TNFSF11: variants seen among roughly 807,000 people sequenced by gnomAD.
TNFSF11 encodes tumor necrosis factor ligand superfamily member 11.
TNFSF11 carries 12 observed loss-of-function variants against 32.2 expected under a neutral mutation model. The ratio of observed to expected loss-of-function variants is 0.37; its 90% CI spans 0.24 to 0.60. The LOEUF is 0.60. TNFSF11 is among the 20% of genes least tolerant of loss of function. The pLI, the probability that TNFSF11 is intolerant of heterozygous loss-of-function variation, is 0.66. For synonymous variants in TNFSF11, 172 were observed against 152.1 expected, an observed-to-expected ratio of 1.13 and a Z score of -0.96; for missense variants, 345 against 398.0, an observed-to-expected ratio of 0.87 and a Z score of 1.13.
rs1379305036 is a variant in TNFSF11 at position 42,581,237 on chromosome 13, T to C, written c.331T>C (p.Leu111=). 1 of 1,614,108 alleles carries C rather than the reference T, an allele frequency of 6.2e-7. No homozygotes were observed. The change falls in exon 2 of 5, where the codon TTA becomes CTA. Residue 111 remains leucine, a synonymous_variant. Coordinates refer to ENST00000398795, the MANE Select transcript of TNFSF11 (RefSeq NM_003701.4). ...AACTCTGGAGAGTCAAGATACAAAATTAATACCTGATTCATGTAGGAGAAT... is the reference window on the plus strand; with the variant it reads ...AACTCTGGAGAGTCAAGATACAAAACTAATACCTGATTCATGTAGGAGAAT... ...DTTLESQDTK[L]IPDSCRRIKQ... is the part of the protein sequence containing the mutation.
At chr13:42,566,003 G>A (rs1160921234) in intron 1 of TNFSF11, among the ~76,000 whole-genome samples, 1 of 152,216 alleles carries the variant, frequency 6.6e-6, no homozygotes, top group South Asian at 2.1e-4. Context: ...GTGGGGATGG[G>A]AAGTCTACCT....
chr13:42,574,799 C>G (rs567994068), intron 1 of TNFSF11, among the ~76,000 whole-genome samples: 1 of 152,228 alleles, frequency 6.6e-6, no homozygotes, highest in Non-Finnish European at 1.5e-5. Flanking sequence ...AATCTCACCC[C>G]GTCCCTTCGC....
upstream of TNFSF11, among the ~76,000 whole-genome samples, chr13:42,570,545 A>G (rs964438692): frequency 6.6e-6 from 1 of 152,204 alleles, no homozygotes; most frequent in Admixed American, 6.5e-5. Context: ...GGCATCTCTT[A>G]ATACCTATTA....
chr13:42,583,439 G>GAAAAAAA (rs1332389888), intron 2 of TNFSF11, among the ~76,000 whole-genome samples: 1 of 78,312 alleles, frequency 1.3e-5, no homozygotes, highest in Non-Finnish European at 2.3e-5. Context: ...AAAAAAAAAA[G>GAAAAAAA]AAAGGAAGAA....
intron 1 of TNFSF11, among the ~76,000 whole-genome samples, chr13:42,577,447 G>A (rs1378235280): frequency 1.3e-5 from 2 of 151,964 alleles, no homozygotes; most frequent in South Asian, 4.2e-4. Context: ...AGAAAATAGT[G>A]TGTGGCTTCT....
In TNFSF11 at chr13:42,574,300, C is replaced by G. The variant is rs781185506; in HGVS notation, c.-4C>G. 2 of 1,545,032 alleles carry G rather than the reference C, an allele frequency of 1.3e-6. No individual in the cohort carries two copies. Among genetic ancestry groups the G allele is most frequent in the Non-Finnish European group, 1.7e-6 (2 of 1,145,544 alleles). On this transcript the variant is annotated 5_prime_UTR_variant, in exon 1 of 5. Transcript: ENST00000398795. ...AGAGCTCCGAAGCGAGAGGGCCGAG[C>G]GCCATGCGCCGCGCCAGCAGAGACT...
At chr13:42,584,310 T>C (rs1393504363) in intron 2 of TNFSF11, among the ~76,000 whole-genome samples, 2 of 152,224 alleles carry the variant, frequency 1.3e-5, no homozygotes, top group Admixed American at 6.5e-5. Flanking sequence ...GAACATATTC[T>C]GAATTCTTAA....
At chr13:42,572,051 T>C (rs17639305), upstream of TNFSF11, among the ~76,000 whole-genome samples, 28,596 of 152,124 alleles carry the variant, frequency 0.19, 2,899 homozygotes, top group East Asian at 0.31. Context: ...AGTAAATACA[T>C]AGGCAAGAAA....
chr13:42,574,961 C>T (rs1873235370), intron 1 of TNFSF11, among the ~76,000 whole-genome samples: 1 of 152,268 alleles, frequency 6.6e-6, no homozygotes, highest in South Asian at 2.1e-4. Context: ...CCTTCCCGCC[C>T]ACCACCCGGC....
intron 1 of TNFSF11, among the ~76,000 whole-genome samples, chr13:42,575,934 C>T (rs891343120): frequency 6.6e-6 from 1 of 152,206 alleles, no homozygotes; most frequent in African/African-American, 2.4e-5. Context: ...CCATTTAGTG[C>T]TTGTGCATGG....
intron 1 of TNFSF11, among the ~76,000 whole-genome samples, chr13:42,565,230 AT>A (rs1181819858): frequency 1.6e-3 from 194 of 117,600 alleles, no homozygotes; most frequent in African/African-American, 4.7e-3. Context: ...ATATATATAT[AT>A]TTTTTTCTTT....
At chr13:42,571,371 C>T (rs1566372506), upstream of TNFSF11, among the ~76,000 whole-genome samples, 3 of 151,428 alleles carry the variant, frequency 2.0e-5, no homozygotes, top group African/African-American at 7.3e-5. Flanking sequence ...TTATTTTTAT[C>T]TTTTTTTTAA....
Position 42,574,201 on chromosome 13 carries a change from G to A in TNFSF11, c.-103G>A, listed in dbSNP as rs1469599512. On this transcript the variant is annotated 5_prime_UTR_variant, in exon 1 of 5. Coordinates refer to ENST00000398795, the MANE Select transcript of TNFSF11 (RefSeq NM_003701.4). ...ACCCAAAGCCGGGCTCCAAGTCGGC[G>A]CCCCACGTCGAGGCTCCGCCGCAGC... 14 of 1,466,380 alleles carry A rather than the reference G, an allele frequency of 9.5e-6. No homozygotes were observed. The highest frequency in any genetic ancestry group is 1.3e-5 in the Non-Finnish European group (14 of 1,079,084). 90.8% of individuals were successfully genotyped at this position (1,466,380 alleles called of 1,614,324 possible).
At chr13:42,579,582 G>A (rs1184265486) in intron 1 of TNFSF11, among the ~76,000 whole-genome samples, 1 of 152,022 alleles carries the variant, frequency 6.6e-6, no homozygotes, top group Non-Finnish European at 1.5e-5. Context: ...CAGTTTTCTG[G>A]TGGTGCGTCA....
chr13:42,585,118 A>G (rs1594466766), intron 2 of TNFSF11, among the ~76,000 whole-genome samples: 2 of 152,232 alleles, frequency 1.3e-5, no homozygotes, highest in East Asian at 3.8e-4. Context: ...CAAATGTGTT[A>G]TCCTTTGATG....
chr13:42,587,102 A>T (rs1873935611), intron 2 of TNFSF11, among the ~76,000 whole-genome samples: 1 of 152,204 alleles, frequency 6.6e-6, no homozygotes, highest in Non-Finnish European at 1.5e-5. Context: ...CAGGACCAGT[A>T]GGGATGCTCC....
intron 2 of TNFSF11, among the ~76,000 whole-genome samples, chr13:42,600,157 C>G (rs1869089999): frequency 6.6e-6 from 1 of 152,068 alleles, no homozygotes; most frequent in Non-Finnish European, 1.5e-5. Context: ...TTTTTTCTGG[C>G]TTGTGCTTCT....
intron 2 of TNFSF11, 38 bp from the exon 3 acceptor site, chr13:42,600,714 G>T: frequency 1.3e-5 from 20 of 1,563,592 alleles, no homozygotes; most frequent in Non-Finnish European, 1.7e-5. Context: ...CAGAAAGAAT[G>T]ATTTTATAAA....
intron 2 of TNFSF11, among the ~76,000 whole-genome samples, chr13:42,595,213 G>T (rs1868738045): frequency 6.6e-6 from 1 of 152,156 alleles, no homozygotes; most frequent in Admixed American, 6.5e-5. Flanking sequence ...CCTTGAATGG[G>T]CAGAGATTTC....
Sources: gnomAD v4.1 joint callset for allele counts (sites outside exome capture counted in the v4.1 genomes callset) on GRCh38, gnomAD v4.1.1 for gene constraint, MANE v1.5 for transcripts, NCBI Gene and HGNC (gene_info 2026-07-23, HGNC 2026-07-21) for gene names.